USP6: variants seen among roughly 807,000 people sequenced by gnomAD.
USP6 encodes the protein ubiquitin carboxyl-terminal hydrolase 6.
Under a neutral mutation model 175.7 loss-of-function variants are expected in USP6, and 128 were observed. That is an observed-to-expected ratio of 0.73 (90% CI 0.63 to 0.84). USP6 has a LOEUF of 0.84. USP6 is among the 40% of genes least tolerant of loss of function. The pLI, the probability that USP6 is intolerant of heterozygous loss-of-function variation, is 0.00. For synonymous variants in USP6, 562 were observed against 630.6 expected (o/e 0.89, Z 1.63); for missense variants, 1,498 against 1,760.3 (o/e 0.85, Z 2.67).
At position 5,132,415 on chromosome 17, in the gene USP6, G is replaced by A. The variant is rs200275918; in HGVS notation, c.175G>A (p.Val59Met). Residue 59 changes from valine (V) to methionine (M), a missense_variant, in exon 12 of 38, where the codon GTG (valine) becomes ATG (methionine). Val to Met is a conservative substitution (Grantham distance 21). Coordinates refer to ENST00000574788, the MANE Select transcript of USP6 (RefSeq NM_001304284.2). This position sits in a 1 kb window ranked among gnomAD's most constrained non-coding sequence, Gnocchi z 4.7. ...GILHETELPP[V>M]TAREAKKIRR... ...TTACAGTGAGACGGAGCTGCCTCCT[G>A]TGACTGCACGGGAGGCGAAGGTAAG... 2.5e-6 allele frequency: 4 copies of A among 1,612,212 alleles called. No individual in the cohort carries two copies. The highest frequency in any genetic ancestry group is 1.7e-5 in the Admixed American group (1 of 60,022).
chr17:5,164,504 CAAT>C (rs768681498), intron 33 of USP6, among the ~76,000 whole-genome samples: 19 of 152,344 alleles, frequency 1.2e-4, no homozygotes, highest in East Asian at 9.6e-4. Context: ...ACATTACTGT[CAAT>C]GATGATAAAT....
chr17:5,143,884 C>T (rs1161540516), intron 25 of USP6, among the ~76,000 whole-genome samples: 1 of 152,072 alleles, frequency 6.6e-6, no homozygotes, highest in Non-Finnish European at 1.5e-5. Context: ...CAAGATCGCA[C>T]CACTGCACTC....
intron 3 of USP6, 27 bp from the exon 4 acceptor site, chr17:5,121,348 A>C: frequency 3.0e-6 from 1 of 333,936 alleles, no homozygotes; most frequent in East Asian, 7.9e-5. Flanking sequence ...ATCTCCTGAA[A>C]CCCCTGTGGC....
chr17:5,144,296 TTATG>T, intron 25 of USP6, among the ~76,000 whole-genome samples: 1 of 148,012 alleles, frequency 6.8e-6, no homozygotes, highest in East Asian at 2.5e-4. Context: ...TTTATGCATG[TTATG>T]TATATATTAT....
chr17:5,170,467 T>C lies in USP6; in HGVS notation c.3518-12T>C, dbSNP rs1046680160. The C allele has an allele frequency of 8.8e-6, 14 of 1,593,564 alleles. No individual in the cohort carries two copies. The African/African-American group carries it at 1.9e-4, about 21-fold the overall frequency. On this transcript the variant is annotated splice_polypyrimidine_tract_variant and intron_variant, in intron 35 of 37. Transcript: ENST00000574788. ...TTGGATTTGTGAATCTTTTCTTCTG[T>C]CCTGTTCACAGGTTCTCCTTCTTCA...
At position 5,173,099 on chromosome 17, in the gene USP6, A is replaced by C; in HGVS notation, c.*121A>C. The C allele has an allele frequency of 1.6e-6, 2 of 1,243,934 alleles. No individual in the cohort carries two copies. The highest frequency in any genetic ancestry group is 2.2e-6 in the Non-Finnish European group (2 of 908,980). 77.1% of individuals were successfully genotyped at this position (1,243,934 alleles called of 1,614,324 possible). On this transcript the variant is annotated 3_prime_UTR_variant, in exon 38 of 38. Coordinates refer to ENST00000574788, the MANE Select transcript of USP6 (RefSeq NM_001304284.2). Reference sequence around the variant, plus strand: ...GTAGTTATTTTATCCTGTTAGAACAAAAATTCTAATTAAAATAGTTAACTT... The same window carrying C: ...GTAGTTATTTTATCCTGTTAGAACACAAATTCTAATTAAAATAGTTAACTT...
At chr17:5,168,184 A>C (rs951155106) in intron 34 of USP6, 61 bp downstream of exon 34, 1 of 1,493,208 alleles carries the variant, frequency 6.7e-7, no homozygotes, top group Non-Finnish European at 9.0e-7. Context: ...GAAGACATGA[A>C]CAAACAGGAG....
rs1567777622 is a variant in USP6, at chr17:5,130,588, C to T, written c.73-14C>T. 1.9e-6 allele frequency: 3 copies of T among 1,613,682 alleles called. No individual in the cohort carries two copies. Among genetic ancestry groups the T allele is most frequent in the East Asian group, 2.2e-5 (1 of 44,870 alleles). Reference sequence around the variant, plus strand: ...TACCTTGGACCCCTCACCAAGGCTCCCTCTGGGTTACAGGGACACCGAGCT... The same window carrying T: ...TACCTTGGACCCCTCACCAAGGCTCTCTCTGGGTTACAGGGACACCGAGCT... On this transcript the variant is annotated splice_polypyrimidine_tract_variant and intron_variant, in intron 10 of 37. Transcript: ENST00000574788.
chr17:5,166,097 A>C (rs1241060267), intron 33 of USP6, among the ~76,000 whole-genome samples: 2 of 152,166 alleles, frequency 1.3e-5, no homozygotes, highest in Non-Finnish European at 2.9e-5. Context: ...TACTCATTCC[A>C]ACAACGATGA....
At chr17:5,139,095 T>A (rs1240069546) in intron 21 of USP6, 160 bp from the exon 22 acceptor site, 1 of 1,595,182 alleles carries the variant, frequency 6.3e-7, no homozygotes, top group South Asian at 1.1e-5. Flanking sequence ...CACACACCCC[T>A]CCCTCTGGGA....
chr17:5,150,285 T>G (rs2073726893), intron 30 of USP6, among the ~76,000 whole-genome samples: 1 of 116,676 alleles, frequency 8.6e-6, no homozygotes, highest in Non-Finnish European at 1.9e-5. Context: ...AGAGCGAAAC[T>G]CCGTCTAAAA....
intron 30 of USP6, among the ~76,000 whole-genome samples, chr17:5,151,431 ATGTGTGTGTGTG>A (rs138448773): frequency 4.1e-5 from 6 of 146,564 alleles, no homozygotes; most frequent in Non-Finnish European, 9.1e-5. Context: ...CAAAGTCTGC[ATGTGTGTGTGTG>A]TGTGTGTGTG....
rs566315777 is a variant in USP6 at position 5,149,547 on chromosome 17, T to C, written c.2643+780T>C. Among the ~76,000 whole-genome samples, 12 of 152,218 alleles carry C rather than the reference T, an allele frequency of 7.9e-5. No homozygotes were observed. The East Asian group carries it at 2.1e-3, about 27-fold the overall frequency. On this transcript the variant is annotated intron_variant, in intron 30 of 37. Coordinates refer to ENST00000574788, the MANE Select transcript of USP6 (RefSeq NM_001304284.2). ...AACCACTCAACTCCAACCTGGGCAA[T>C]AAGTGAGACCTTGTCTCTAAAAAAA...
At chr17:5,158,294 C>T (rs2073928309) in intron 31 of USP6, among the ~76,000 whole-genome samples, 1 of 152,086 alleles carries the variant, frequency 6.6e-6, no homozygotes, top group Non-Finnish European at 1.5e-5. Flanking sequence ...AGGCTGGGTG[C>T]AGTGGCTCAT....
intron 23 of USP6, 95 bp downstream of exon 23, chr17:5,141,594 G>C: frequency 8.7e-7 from 1 of 1,142,866 alleles, no homozygotes; most frequent in Non-Finnish European, 1.2e-6. Flanking sequence ...TGGTTTTCTA[G>C]TTCAAAAGTA....
intron 15 of USP6, chr17:5,135,019 A>T: frequency 1.9e-6 from 1 of 527,196 alleles, no homozygotes; most frequent in Non-Finnish European, 3.5e-6. Flanking sequence ...CAGCGTGAAA[A>T]GGATCGGTCA....
rs547687190 is a variant in USP6 at position 5,140,141 on chromosome 17, A to G, written c.1498+467A>G. Among the ~76,000 whole-genome samples the G allele has an allele frequency of 2.0e-5, 3 of 152,170 alleles. No homozygotes were observed. In the South Asian group the frequency reaches 6.2e-4, roughly 32 times the overall value. ...AACTCATGGAAGGATAACCACCTTC[A>G]CGTTTTGAAATAAATGTTTCCTGTT... On this transcript the variant is annotated intron_variant, in intron 22 of 37. Transcript: ENST00000574788.
intron 11 of USP6, among the ~76,000 whole-genome samples, chr17:5,131,929 G>A (rs192078439): frequency 6.6e-6 from 1 of 152,260 alleles, no homozygotes; most frequent in East Asian, 1.9e-4. Context: ...GGGCTGTCAA[G>A]TGGGATGGGC....
intron 22 of USP6, among the ~76,000 whole-genome samples, 186 bp from the exon 23 acceptor site, chr17:5,141,239 A>G (rs1044603265): frequency 2.0e-5 from 3 of 152,212 alleles, no homozygotes; most frequent in East Asian, 1.9e-4. Flanking sequence ...TACAAAGACA[A>G]AATCACCTAA....
Sources: allele counts gnomAD v4.1 joint callset (sites outside exome capture counted in the v4.1 genomes callset), GRCh38; gene constraint gnomAD v4.1.1; non-coding constraint Gnocchi (gnomAD v3.1); transcripts MANE v1.5; gene names NCBI Gene and HGNC (gene_info 2026-07-23, HGNC 2026-07-21).